TNIK: variants seen among roughly 807,000 people sequenced by gnomAD.
TNIK encodes TRAF2 and NCK-interacting protein kinase.
A neutral mutation model predicts 191.3 loss-of-function variants in TNIK; 49 were observed. That is an observed-to-expected ratio of 0.26 (90% CI 0.20 to 0.32). TNIK has a LOEUF of 0.32. Ranked by LOEUF, TNIK falls within the 10% of genes least tolerant of loss-of-function variation. The pLI, the probability that TNIK is intolerant of heterozygous loss-of-function variation, is 1.00. For missense variants in TNIK, 1,155 were observed against 1,702.3 expected, an observed-to-expected ratio of 0.68 and a Z score of 5.66; for synonymous variants, 594 against 600.9, an observed-to-expected ratio of 0.99 and a Z score of 0.17.
chr3:171,087,036 G>C (rs1235279630), intron 24 of TNIK, among the ~76,000 whole-genome samples: 1 of 152,136 alleles, frequency 6.6e-6, no homozygotes, highest in African/African-American at 2.4e-5. Context: ...CAGAACTGGA[G>C]GTCCCAGTTC....
At chr3:171,292,689 T>G (rs995141236) in intron 2 of TNIK, among the ~76,000 whole-genome samples, 1 of 147,070 alleles carries the variant, frequency 6.8e-6, no homozygotes, top group African/African-American at 2.5e-5. Flanking sequence ...GGCAGGAGAA[T>G]GATGTGAACC....
chr3:171,273,169 G>C (rs34369810), intron 2 of TNIK, among the ~76,000 whole-genome samples: 14,119 of 152,216 alleles, frequency 0.093, 872 homozygotes, highest in Non-Finnish European at 0.13. Context: ...AGGGGTGCTA[G>C]AGTCAGCCCA....
chr3:171,254,679 T>C (rs1435060755), intron 2 of TNIK, among the ~76,000 whole-genome samples: 1 of 152,212 alleles, frequency 6.6e-6, no homozygotes, highest in Non-Finnish European at 1.5e-5. Context: ...TACATGTGTC[T>C]ATCCCTCCCT....
At chr3:171,448,904 C>T (rs1188101150) in intron 1 of TNIK, among the ~76,000 whole-genome samples, 1 of 151,980 alleles carries the variant, frequency 6.6e-6, no homozygotes, top group Non-Finnish European at 1.5e-5. Flanking sequence ...CCTCCCCTAG[C>T]CCCCCATTTA....
chr3:171,100,372 G>A (rs1351827608), intron 22 of TNIK, among the ~76,000 whole-genome samples: 2 of 152,160 alleles, frequency 1.3e-5, no homozygotes, highest in African/African-American at 2.4e-5. Flanking sequence ...ACGTTAATTA[G>A]ATTTGCCTCT....
intron 2 of TNIK, among the ~76,000 whole-genome samples, chr3:171,340,780 G>A (rs1757428463): frequency 6.6e-6 from 1 of 152,048 alleles, no homozygotes; most frequent in Non-Finnish European, 1.5e-5. Flanking sequence ...AAGTTGTCCT[G>A]GAAAACAGAA....
chr3:171,453,365 C>G (rs1036356693), intron 1 of TNIK, among the ~76,000 whole-genome samples: 1 of 152,032 alleles, frequency 6.6e-6, no homozygotes, highest in African/African-American at 2.4e-5. Context: ...AGGTGGTCTG[C>G]GAATGTTCAG....
chr3:171,137,022 G>T (rs1212714276), intron 15 of TNIK, among the ~76,000 whole-genome samples: 1 of 132,144 alleles, frequency 7.6e-6, no homozygotes, highest in Admixed American at 7.8e-5. Flanking sequence ...ACTTTTAAAA[G>T]AAAAAAGTTA....
At chr3:171,338,792 C>T (rs1239635335) in intron 2 of TNIK, among the ~76,000 whole-genome samples, 1 of 152,050 alleles carries the variant, frequency 6.6e-6, no homozygotes, top group African/African-American at 2.4e-5. Flanking sequence ...TATCAACCAC[C>T]ATGCCCGGCC....
At chr3:171,072,679 G>T (rs1719350827) in intron 28 of TNIK, among the ~76,000 whole-genome samples, 1 of 152,098 alleles carries the variant, frequency 6.6e-6, no homozygotes, top group South Asian at 2.1e-4. Context: ...AAACCCTAAA[G>T]ATTCCTCCAA....
Position 171,399,533 on chromosome 3 carries a change from C to T in TNIK, c.58-29848G>A, listed in dbSNP as rs191943971. ...TATAAGAGTACAAATAGGAAACAGCCTAAATGTTAAACAACAGAGACCTAG... is the reference window on the plus strand; with the variant it reads ...TATAAGAGTACAAATAGGAAACAGCTTAAATGTTAAACAACAGAGACCTAG... On this transcript the variant is annotated intron_variant, in intron 1 of 32. Transcript: ENST00000436636. Among the ~76,000 whole-genome samples, 291 of 152,118 alleles carry T rather than the reference C, an allele frequency of 1.9e-3. 2 individuals carry two copies. Among genetic ancestry groups the T allele is most frequent in the African/African-American group, 6.7e-3 (276 of 41,454 alleles).
chr3:171,371,030 C>G (rs577161994), intron 1 of TNIK, among the ~76,000 whole-genome samples: 2 of 152,156 alleles, frequency 1.3e-5, no homozygotes, highest in East Asian at 3.9e-4. Context: ...CCTTGACCAG[C>G]TGTGTGATCC....
intron 2 of TNIK, among the ~76,000 whole-genome samples, chr3:171,301,314 C>CT (rs36084093): frequency 0.3 from 39,479 of 133,632 alleles, 6,206 homozygotes; most frequent in Middle Eastern, 0.42. Flanking sequence ...ACTAGCTGGA[C>CT]TTTTTTTTTT....
At chr3:171,115,732 C>A (rs969457684) in intron 18 of TNIK, among the ~76,000 whole-genome samples, 1 of 152,238 alleles carries the variant, frequency 6.6e-6, no homozygotes, top group Middle Eastern at 3.4e-3. Flanking sequence ...ATAACCATGG[C>A]CTTTAAAGCC....
At chr3:171,396,827 T>G (rs1720316610) in intron 1 of TNIK, among the ~76,000 whole-genome samples, 1 of 152,182 alleles carries the variant, frequency 6.6e-6, no homozygotes, top group Non-Finnish European at 1.5e-5. Flanking sequence ...TTTTAAGGTA[T>G]TTTTCATGTT....
chr3:171,147,102 G>A (rs777164173), intron 12 of TNIK, among the ~76,000 whole-genome samples: 5 of 152,124 alleles, frequency 3.3e-5, no homozygotes, highest in African/African-American at 4.8e-5. Context: ...TGCCCTTGGA[G>A]AGCTCCTGTT....
chr3:171,269,340 AC>A (rs2109178814), intron 2 of TNIK, among the ~76,000 whole-genome samples: 1 of 152,354 alleles, frequency 6.6e-6, no homozygotes, highest in African/African-American at 2.4e-5. Context: ...TATTCTTTAA[AC>A]ACAATGTGCA....
intron 27 of TNIK, 103 bp downstream of exon 27, chr3:171,082,148 T>G: frequency 2.8e-6 from 4 of 1,450,478 alleles, no homozygotes; most frequent in Non-Finnish European, 3.7e-6. Context: ...TTTATTGTGT[T>G]GTTTGTTAGC....
intron 10 of TNIK, among the ~76,000 whole-genome samples, chr3:171,164,981 T>C (rs1192004871): frequency 6.6e-6 from 1 of 152,200 alleles, no homozygotes; most frequent in South Asian, 2.1e-4. Context: ...AAGTCCCTGC[T>C]AGCTGCATAA....
Sources: gnomAD v4.1 joint callset for allele counts (sites outside exome capture counted in the v4.1 genomes callset) on GRCh38, gnomAD v4.1.1 for gene constraint, MANE v1.5 for transcripts, NCBI Gene and HGNC (gene_info 2026-07-23, HGNC 2026-07-21) for gene names.